Variants in ADGRV1 observed in about 807,000 individuals in gnomAD.
The protein encoded by ADGRV1 is adhesion G protein-coupled receptor V1, also known as G-protein coupled receptor 98.
ADGRV1 carries 359 observed loss-of-function variants against 596.2 expected under a neutral mutation model. That is an observed-to-expected ratio of 0.60 (90% CI 0.55 to 0.66). ADGRV1 has a LOEUF of 0.66. Among genes scored for constraint, ADGRV1 ranks in the 30% least tolerant of loss-of-function variants. ADGRV1 has a pLI of 0.00. For missense variants in ADGRV1, 7,274 were observed against 7,575.6 expected, an observed-to-expected ratio of 0.96 and a Z score of 1.48; for synonymous variants, 2,681 against 2,679.2, an observed-to-expected ratio of 1.00 and a Z score of -0.02.
rs1748457155 is a variant in ADGRV1 at position 90,705,373 on chromosome 5, T to C, written c.8387-27T>C. The C allele has an allele frequency of 1.9e-6, 3 of 1,606,240 alleles. No homozygotes were observed. The African/African-American group carries it at 4.0e-5, about 21-fold the overall frequency. On this transcript the variant is annotated intron_variant, in intron 36 of 89. Transcript: ENST00000405460. The stretch of plus-strand genomic sequence containing the variant: ...CGATTAAAAGCTAATGCCAAATCAC[T>C]GTTAGATTCCTGCCTGACATTTTTA...
intron 85 of ADGRV1, among the ~76,000 whole-genome samples, chr5:91,067,243 G>A (rs533659568): frequency 1.8e-4 from 26 of 146,688 alleles, no homozygotes; most frequent in East Asian, 8.1e-4. Flanking sequence ...CTCTGGGTTC[G>A]TGTGATTCTC....
At chr5:90,586,438 A>G (rs924397896) in intron 1 of ADGRV1, among the ~76,000 whole-genome samples, 11 of 152,182 alleles carry the variant, frequency 7.2e-5, no homozygotes, top group African/African-American at 2.7e-4. Context: ...AGTTTATCTG[A>G]CAGTAGTCTT....
rs147299887 is a variant in ADGRV1, at chr5:91,009,526, A to G, written c.18152+24004A>G. ...AGAATAAATTTTATTTTTTATTCTA[A>G]ATGTTCATACCTGTAATCTTTGCTC... On this transcript the variant is annotated intron_variant, in intron 85 of 89. Transcript: ENST00000405460. Among the ~76,000 whole-genome samples the G allele has an allele frequency of 5.0e-3, 759 of 152,256 alleles. 3 individuals are homozygous for G. Among genetic ancestry groups the G allele is most frequent in the Non-Finnish European group, 7.8e-3 (533 of 67,980 alleles).
chr5:90,693,518 G>C (rs879702053), intron 32 of ADGRV1, among the ~76,000 whole-genome samples: 9 of 151,998 alleles, frequency 5.9e-5, no homozygotes, highest in Non-Finnish European at 1.2e-4. Flanking sequence ...CTGTGGATAG[G>C]GAGGGCTGAC....
chr5:91,056,271 C>T (rs1318689569), intron 85 of ADGRV1, among the ~76,000 whole-genome samples: 4 of 116,692 alleles, frequency 3.4e-5, no homozygotes, highest in Non-Finnish European at 6.6e-5. Context: ...GTAATGGTTT[C>T]GCCAGGATTC....
chr5:90,738,692 C>T (rs557091645), intron 50 of ADGRV1, among the ~76,000 whole-genome samples: 19 of 152,222 alleles, frequency 1.2e-4, no homozygotes, highest in South Asian at 8.3e-4. Flanking sequence ...CATATTGAGA[C>T]GCCTTTGAAT....
chr5:91,008,326 G>A (rs1232959100), intron 85 of ADGRV1, among the ~76,000 whole-genome samples: 2 of 152,168 alleles, frequency 1.3e-5, no homozygotes, highest in African/African-American at 4.8e-5. Flanking sequence ...GAGAATCACT[G>A]ACCACAGAAT....
intron 29 of ADGRV1, among the ~76,000 whole-genome samples, chr5:90,687,942 A>C (rs1451360862): frequency 6.6e-6 from 1 of 152,216 alleles, no homozygotes; most frequent in Non-Finnish European, 1.5e-5. Context: ...CATGGGTAGG[A>C]AGAATCAATA....
intron 77 of ADGRV1, among the ~76,000 whole-genome samples, chr5:90,833,515 G>A (rs1764696066): frequency 6.6e-6 from 1 of 152,028 alleles, no homozygotes; most frequent in African/African-American, 2.4e-5. Flanking sequence ...AAACTCCTGG[G>A]CTCAAGCAAT....
intron 85 of ADGRV1, among the ~76,000 whole-genome samples, chr5:91,055,615 G>A (rs79645242): frequency 0.02 from 3,014 of 152,244 alleles, 117 homozygotes; most frequent in African/African-American, 0.07. Flanking sequence ...CAAAGCCAGG[G>A]CTATCTGATT....
intron 83 of ADGRV1, among the ~76,000 whole-genome samples, chr5:90,937,574 C>T (rs189567672): frequency 3.0e-4 from 46 of 151,942 alleles, no homozygotes; most frequent in Non-Finnish European, 5.9e-4. Context: ...TCTCCTGCCT[C>T]AGCCTCCCAA....
At chr5:91,114,582 A>G (rs1364328376) in intron 87 of ADGRV1, among the ~76,000 whole-genome samples, 1 of 152,140 alleles carries the variant, frequency 6.6e-6, no homozygotes, top group East Asian at 1.9e-4. Flanking sequence ...GTTTCAGGCC[A>G]TGTGAAGGTT....
intron 81 of ADGRV1, among the ~76,000 whole-genome samples, chr5:90,855,207 T>C (rs2150415118): frequency 6.6e-6 from 1 of 152,234 alleles, no homozygotes; most frequent in East Asian, 1.9e-4. Flanking sequence ...TTAGCCAGAA[T>C]TCATAAAGGA....
intron 87 of ADGRV1, among the ~76,000 whole-genome samples, chr5:91,147,950 G>C (rs1213994300): frequency 6.6e-6 from 1 of 152,176 alleles, no homozygotes; most frequent in Non-Finnish European, 1.5e-5. Context: ...GTCTCAGATA[G>C]AGACAAGGAA....
chr5:90,886,886 C>G (rs1770344639), intron 83 of ADGRV1, among the ~76,000 whole-genome samples: 1 of 152,158 alleles, frequency 6.6e-6, no homozygotes, highest in African/African-American at 2.4e-5. Context: ...TTAAATGATG[C>G]CATGAGTTCA....
chr5:91,070,564 C>T (rs1003788406), intron 85 of ADGRV1, among the ~76,000 whole-genome samples: 4 of 152,304 alleles, frequency 2.6e-5, no homozygotes, highest in Middle Eastern at 3.4e-3. Context: ...ACTTCAGAAG[C>T]AGTTTTAGAT....
chr5:90,637,193 T>G (rs1329173490), intron 10 of ADGRV1, among the ~76,000 whole-genome samples: 1 of 152,050 alleles, frequency 6.6e-6, no homozygotes, highest in Non-Finnish European at 1.5e-5. Flanking sequence ...TAACCCAGAG[T>G]CATGATAAAA....
intron 1 of ADGRV1, among the ~76,000 whole-genome samples, chr5:90,571,962 C>T (rs1756582053): frequency 6.6e-6 from 1 of 152,108 alleles, no homozygotes; most frequent in South Asian, 2.1e-4. Flanking sequence ...TTGATTCTGA[C>T]AGTTTTTGCT....
chr5:91,126,690 G>A (rs1206775667), intron 87 of ADGRV1, among the ~76,000 whole-genome samples: 1 of 152,128 alleles, frequency 6.6e-6, no homozygotes, highest in Non-Finnish European at 1.5e-5. Context: ...AAGTTGCTTT[G>A]CTTCTTGTAA....
Sources: gnomAD v4.1 joint callset for allele counts (sites outside exome capture counted in the v4.1 genomes callset) on GRCh38, gnomAD v4.1.1 for gene constraint, MANE v1.5 for transcripts, NCBI Gene and HGNC (gene_info 2026-07-23, HGNC 2026-07-21) for gene names.